The following ZNF18 variants were observed in gnomAD, a reference collection of about 807,000 sequenced individuals.
The protein encoded by ZNF18 is zinc finger protein 18.
ZNF18 carries 42 observed loss-of-function variants against 58.1 expected under a neutral mutation model. The observed-to-expected ratio is 0.72, with a 90% CI of 0.56 to 0.93. The LOEUF is 0.93. ZNF18 is among the 40% of genes least tolerant of loss of function. The pLI, the probability that ZNF18 is intolerant of heterozygous loss-of-function variation, is 0.00. For missense variants in ZNF18, 540 were observed against 644.2 expected (o/e 0.84, Z 1.75); for synonymous variants, 231 against 239.8 (o/e 0.96, Z 0.34).
chr17:11,981,845 T>C (rs1029310610), intron 6 of ZNF18, among the ~76,000 whole-genome samples: 11 of 152,140 alleles, frequency 7.2e-5, no homozygotes, highest in African/African-American at 2.4e-4. Context: ...CTTTTCTGAC[T>C]ACAACCCACT....
chr17:11,994,460 T>A (rs1968336531), intron 1 of ZNF18, among the ~76,000 whole-genome samples: 2 of 152,338 alleles, frequency 1.3e-5, no homozygotes, highest in South Asian at 4.1e-4. Flanking sequence ...GTCTATTGAC[T>A]GATGCCTTAA....
chr17:11,998,075 A>T (rs552490301), upstream of ZNF18, among the ~76,000 whole-genome samples: 13 of 151,936 alleles, frequency 8.6e-5, no homozygotes, highest in Non-Finnish European at 1.6e-4. Flanking sequence ...CTCTCTCAAC[A>T]AATGTCATCC....
chr17:12,007,913 GAGA>G, the ZNF18 span, among the ~76,000 whole-genome samples: 1 of 152,136 alleles, frequency 6.6e-6, no homozygotes, highest in Non-Finnish European at 1.5e-5. Context: ...AACACAGAGA[GAGA>G]AGATGATTGG....
intron 6 of ZNF18, among the ~76,000 whole-genome samples, chr17:11,978,975 T>G (rs1188088993): frequency 6.6e-6 from 1 of 151,354 alleles, no homozygotes; most frequent in Admixed American, 6.6e-5. Context: ...GCTGAGGATT[T>G]TTAAACAACA....
Position 11,997,422 on chromosome 17 carries a change from C to A in ZNF18, c.-83+9G>T, listed in dbSNP as rs954515386. 6.6e-6 allele frequency: 1 copy of A among 152,208 alleles called. No homozygotes were observed. The highest frequency in any genetic ancestry group is 1.5e-5 in the Non-Finnish European group (1 of 68,052). The allele number at this position is 152,208 out of a possible 1,614,324, so 9.4% of individuals were successfully genotyped here. A position where few individuals can be genotyped will look rare whatever the true frequency, so the allele number is the denominator to read the frequency against. ...CCGGAGGCCGGGACCGCCCCGCAAG[C>A]GCGCTCACCTCGGCCCGCGGCGCCG... is the stretch of plus-strand genomic sequence containing the variant. On this transcript the variant is annotated intron_variant, in intron 1 of 6. Coordinates refer to ENST00000580306, the MANE Select transcript of ZNF18 (RefSeq NM_001303281.2).
chr17:11,980,153 G>A (rs549413941), intron 6 of ZNF18, among the ~76,000 whole-genome samples: 4 of 152,294 alleles, frequency 2.6e-5, no homozygotes, highest in African/African-American at 7.2e-5. Context: ...CCTCTCATAT[G>A]TGAAATTGGG....
chr17:11,982,124 G>A (rs904381839), intron 6 of ZNF18, among the ~76,000 whole-genome samples: 1 of 151,964 alleles, frequency 6.6e-6, no homozygotes, highest in Non-Finnish European at 1.5e-5. Flanking sequence ...CAAGAAAAGC[G>A]AGGTCAGCAA....
chr17:11,983,211 C>T, intron 6 of ZNF18, 86 bp downstream of exon 6: 1 of 991,092 alleles, frequency 1.0e-6, no homozygotes, highest in Non-Finnish European at 1.6e-6. Flanking sequence ...TCTGCCTCCC[C>T]TGACCTCCTT....
chr17:12,018,985 T>C, the ZNF18 span, among the ~76,000 whole-genome samples: 1 of 151,668 alleles, frequency 6.6e-6, no homozygotes, highest in Non-Finnish European at 1.5e-5. Context: ...GATGGAGTCT[T>C]GCTCTGTCAC....
chr17:12,000,728 G>A (rs989627275), upstream of ZNF18, among the ~76,000 whole-genome samples: 1 of 152,042 alleles, frequency 6.6e-6, no homozygotes, highest in African/African-American at 2.4e-5. Context: ...AAGAAAGAAA[G>A]GAAGAAAGAA....
the ZNF18 span, among the ~76,000 whole-genome samples, chr17:12,019,126 G>GT: frequency 4.0e-5 from 6 of 151,408 alleles, no homozygotes; most frequent in African/African-American, 1.5e-4. Flanking sequence ...GCTAATTTTT[G>GT]TTTTTTTCTG....
Position 11,978,130 on chromosome 17 carries a change from T to G in ZNF18, c.1477A>C (p.Lys493Gln), listed in dbSNP as rs1324204506. 3.7e-6 allele frequency: 6 copies of G among 1,614,188 alleles called. No individual in the cohort carries two copies. The highest frequency in any genetic ancestry group is 4.2e-6 in the Non-Finnish European group (5 of 1,180,038). Reference sequence around the variant, plus strand: ...AAACTTTTCTCACAGATAGGACATTTATAGGGTTTCTCTCCTGTGTGGATT... The same window carrying G: ...AAACTTTTCTCACAGATAGGACATTGATAGGGTTTCTCTCCTGTGTGGATT... ...EKIHTGEKPY[K>Q]CPICEKSFIQ... Residue 493 changes from lysine to glutamine, a missense_variant, in exon 7 of 7, where the codon AAA becomes CAA. Lys to Gln is a moderately conservative substitution (Grantham distance 53). Coordinates refer to ENST00000580306, the MANE Select transcript of ZNF18 (RefSeq NM_001303281.2).
At chr17:11,998,511 CT>C, upstream of ZNF18, 1 of 151,340 alleles carries the variant, frequency 6.6e-6, no homozygotes, top group East Asian at 2.0e-4. Flanking sequence ...ATAACATGTC[CT>C]GTACCTGTCA....
chr17:12,009,832 T>C, the ZNF18 span, among the ~76,000 whole-genome samples: 2 of 152,212 alleles, frequency 1.3e-5, no homozygotes, highest in Non-Finnish European at 2.9e-5. Flanking sequence ...CTAACTTTGC[T>C]TCTTGAAAAA....
At chr17:11,989,415 C>A (rs1467286657) in intron 4 of ZNF18, among the ~76,000 whole-genome samples, 2 of 151,932 alleles carry the variant, frequency 1.3e-5, no homozygotes, top group Non-Finnish European at 2.9e-5. Context: ...CAAAACTGAC[C>A]CAGAACCAAT....
rs1968216897 is a variant in ZNF18 at position 11,992,800 on chromosome 17, G to A, written c.30C>T (p.Gly10=). 6.2e-7 allele frequency: 1 copy of A among 1,613,616 alleles called. No homozygotes were observed. Among genetic ancestry groups the A allele is most frequent in the Non-Finnish European group, 8.5e-7 (1 of 1,179,982 alleles). ...CGGCCTTCGCCAGCGATGGCAGCAGGCCTAGGGCCTGCCCCAAGTCAACGG... is the reference window on the plus strand; with the variant it reads ...CGGCCTTCGCCAGCGATGGCAGCAGACCTAGGGCCTGCCCCAAGTCAACGG... The part of the protein sequence containing the change: MPVDLGQAL[G]LLPSLAKAED... The change falls in exon 2 of 7, where the codon GGC becomes GGT. Residue 10 remains glycine (G), a synonymous_variant. Coordinates refer to ENST00000580306, the MANE Select transcript of ZNF18 (RefSeq NM_001303281.2).
upstream of ZNF18, chr17:11,998,379 G>C (rs1429542002): frequency 1.3e-5 from 2 of 152,190 alleles, no homozygotes; most frequent in Non-Finnish European, 2.9e-5. Flanking sequence ...AACTGGCAAA[G>C]AGGAGGGTAT....
the ZNF18 span, among the ~76,000 whole-genome samples, chr17:12,012,243 GTTC>G: frequency 6.6e-6 from 1 of 152,116 alleles, no homozygotes. Flanking sequence ...AAACCATGGT[GTTC>G]TTCATCTGGC....
upstream of ZNF18, among the ~76,000 whole-genome samples, chr17:12,000,010 C>T (rs1183060319): frequency 6.6e-6 from 1 of 152,176 alleles, no homozygotes; most frequent in Non-Finnish European, 1.5e-5. Flanking sequence ...CAACCTCCGA[C>T]TCCAGGTTTA....
Sources: allele counts gnomAD v4.1 joint callset (sites outside exome capture counted in the v4.1 genomes callset), GRCh38; gene constraint gnomAD v4.1.1; transcripts MANE v1.5; gene names NCBI Gene and HGNC (gene_info 2026-07-23, HGNC 2026-07-21).